The following ZSCAN20 variants were observed in gnomAD, a reference collection of about 807,000 sequenced individuals.
ZSCAN20 encodes zinc finger and SCAN domain containing 20.
Under a neutral mutation model 97.1 loss-of-function variants are expected in ZSCAN20, and 39 were observed. The observed-to-expected ratio is 0.40, with a 90% CI of 0.31 to 0.52. The LOEUF is 0.52. Among genes scored for constraint, ZSCAN20 ranks in the 20% least tolerant of loss-of-function variants. ZSCAN20 has a pLI of 0.49. For missense variants in ZSCAN20, 1,115 were observed against 1,290.4 expected (o/e 0.86, Z 2.08); for synonymous variants, 456 against 467.3 (o/e 0.98, Z 0.31).
intron 3 of ZSCAN20, 144 bp downstream of exon 3, chr1:33,488,795 G>A: frequency 1.1e-6 from 1 of 904,188 alleles, no homozygotes; most frequent in Non-Finnish European, 1.7e-6. Context: ...TTACTGAGAA[G>A]TAAGCAAGCC....
At chr1:33,480,551 C>G (rs2148451261) in intron 2 of ZSCAN20, among the ~76,000 whole-genome samples, 1 of 152,338 alleles carries the variant, frequency 6.6e-6, no homozygotes, top group South Asian at 2.1e-4. Flanking sequence ...TTTGTGAGCA[C>G]TCACTGTGTG....
chr1:33,474,127 C>T (rs1651834619), intron 1 of ZSCAN20, among the ~76,000 whole-genome samples: 1 of 152,214 alleles, frequency 6.6e-6, no homozygotes, highest in Non-Finnish European at 1.5e-5. Context: ...TCCTGTGTCC[C>T]TGGCAGTCAT....
intron 2 of ZSCAN20, among the ~76,000 whole-genome samples, chr1:33,481,392 C>T: frequency 6.6e-6 from 1 of 152,142 alleles, no homozygotes; most frequent in East Asian, 1.9e-4. Flanking sequence ...AATTATGCCC[C>T]TGTGAGCTGA....
rs1388532847 is a variant in ZSCAN20 at position 33,497,361 on chromosome 1, A to AGTG, written c.*1886_*1888dup. On this transcript the variant is annotated 3_prime_UTR_variant, in exon 8 of 8. Coordinates refer to ENST00000684572, the MANE Select transcript of ZSCAN20 (RefSeq NM_001377376.1). ...CAGATGTCAGTAACTGCAGTAATAC[A>AGTG]GTGATATTGTCTAGTAATGTGAGCT... Among the ~76,000 whole-genome samples the AGTG allele has an allele frequency of 6.6e-6, 1 of 152,152 alleles. No homozygotes were observed. Among genetic ancestry groups the AGTG allele is most frequent in the Non-Finnish European group, 1.5e-5 (1 of 68,030 alleles).
At chr1:33,485,444 C>T (rs1652324415) in intron 2 of ZSCAN20, among the ~76,000 whole-genome samples, 1 of 152,024 alleles carries the variant, frequency 6.6e-6, no homozygotes. Flanking sequence ...GGTTCTTTCT[C>T]TGTTACTCAG....
Position 33,493,515 on chromosome 1 carries a change from G to A in ZSCAN20, c.1773G>A (p.Gly591=), listed in dbSNP as rs555868416. The stretch of plus-strand genomic sequence containing the variant: ...AGGCTGCAGGTCTCCCTAGGTGTGG[G>A]CAGAGTAGTGCTGAGACTGATGCCC... ...VREAAGLPRC[G]QSSAETDAQE... is the part of the protein sequence containing the mutation. The change falls in exon 7 of 8, where the codon GGG becomes GGA. Residue 591 remains glycine (G), a synonymous_variant. Transcript: ENST00000684572. The surrounding 1 kb of genome is among the most constrained non-coding windows in gnomAD (Gnocchi z 4.3). 17 of 1,614,120 alleles carry A rather than the reference G, an allele frequency of 1.1e-5. No individual in the cohort carries two copies. The South Asian group carries it at 1.9e-4, about 18-fold the overall frequency.
rs757872738 is a variant in ZSCAN20 at position 33,495,502 on chromosome 1, A to G, written c.*26A>G. ...GGGACAGTTTCCTCAACAACAAAGG[A>G]GGACTCAATGTATATATCTTATATC... On this transcript the variant is annotated 3_prime_UTR_variant, in exon 8 of 8. Coordinates refer to ENST00000684572, the MANE Select transcript of ZSCAN20 (RefSeq NM_001377376.1). 6.7e-7 allele frequency: 1 copy of G among 1,495,640 alleles called. No individual in the cohort carries two copies. Among genetic ancestry groups the G allele is most frequent in the Non-Finnish European group, 8.9e-7 (1 of 1,121,340 alleles). 92.6% of individuals were successfully genotyped at this position (1,495,640 alleles called of 1,614,324 possible).
Position 33,498,019 on chromosome 1 carries a change from CA to C in ZSCAN20, c.*2544del, listed in dbSNP as rs1652936333. On this transcript the variant is annotated 3_prime_UTR_variant, in exon 8 of 8. Transcript: ENST00000684572. ...TAAACTAATGAGAAAGGAAGAATTT[CA>C]GTTTCAAATATTGGGCCTAGGACAG... Among the ~76,000 whole-genome samples the C allele has an allele frequency of 6.6e-6, 1 of 152,138 alleles. No homozygotes were observed. The highest frequency in any genetic ancestry group is 2.4e-5 in the African/African-American group (1 of 41,416).
chr1:33,488,729 G>A, intron 3 of ZSCAN20, 78 bp downstream of exon 3: 1 of 1,473,246 alleles, frequency 6.8e-7, no homozygotes, highest in Non-Finnish European at 9.2e-7. Context: ...GGTGCATGGG[G>A]AAGAAGGATG....
At chr1:33,481,558 G>A (rs1440041725) in intron 2 of ZSCAN20, among the ~76,000 whole-genome samples, 1 of 152,162 alleles carries the variant, frequency 6.6e-6, no homozygotes, top group Non-Finnish European at 1.5e-5. Flanking sequence ...ACAAGTAGCA[G>A]AGGAGCTTGT....
intron 5 of ZSCAN20, among the ~76,000 whole-genome samples, chr1:33,490,284 G>A (rs2148470062): frequency 6.6e-6 from 1 of 152,250 alleles, no homozygotes; most frequent in Non-Finnish European, 1.5e-5. Flanking sequence ...TTTGGGAAAC[G>A]GTGAATTAAA....
In ZSCAN20 at chr1:33,493,130, G is replaced by C. The variant is rs539366671; in HGVS notation, c.1445-57G>C. 1 of 1,552,840 alleles carries C rather than the reference G, an allele frequency of 6.4e-7. No individual in the cohort carries two copies. The highest frequency in any genetic ancestry group is 1.4e-5 in the African/African-American group (1 of 73,396). On this transcript the variant is annotated intron_variant, in intron 6 of 7. Coordinates refer to ENST00000684572, the MANE Select transcript of ZSCAN20 (RefSeq NM_001377376.1). The surrounding 1 kb of genome is among the most constrained non-coding windows in gnomAD (Gnocchi z 4.3). Reference sequence around the variant, plus strand: ...TGAAGGGCAGGTGACTTTATTCTCTGATGACCTAGGCACATCTCATTAAGT... The same window carrying C: ...TGAAGGGCAGGTGACTTTATTCTCTCATGACCTAGGCACATCTCATTAAGT...
In ZSCAN20 at chr1:33,493,217, A is replaced by G; in HGVS notation, c.1475A>G (p.Lys492Arg). 1 of 1,614,124 alleles carries G rather than the reference A, an allele frequency of 6.2e-7. No individual in the cohort carries two copies. The highest frequency in any genetic ancestry group is 1.1e-5 in the South Asian group (1 of 91,074). ...AGVHWGYEETKAFLAILSESP... is the reference protein window; with the variant it reads ...AGVHWGYEETRAFLAILSESP... ...GTGCACTGGGGCTATGAGGAGACCA[A>G]GGCCTTCCTGGCAATTCTCAGTGAG... The change falls in exon 7 of 8, where the codon AAG becomes AGG. Residue 492 changes from lysine to arginine, a missense_variant. Coordinates refer to ENST00000684572, the MANE Select transcript of ZSCAN20 (RefSeq NM_001377376.1). The surrounding 1 kb of genome is among the most constrained non-coding windows in gnomAD (Gnocchi z 4.3).
rs760749214 is a variant in ZSCAN20 at position 33,489,620 on chromosome 1, C to T, written c.766+18C>T. On this transcript the variant is annotated intron_variant, in intron 5 of 7. Transcript: ENST00000684572. ...GTGCCTGGGTAAGGAGACGTACCCT[C>T]TGAAGGTGATGTTGTCATGCTTCTG... 48 of 1,610,852 alleles carry T rather than the reference C, an allele frequency of 3.0e-5. No homozygotes were observed. The South Asian group carries it at 3.5e-4, about 12-fold the overall frequency.
At position 33,500,349 on chromosome 1, in the gene ZSCAN20, G is replaced by C. The variant is rs1252434293; in HGVS notation, c.*4873G>C. Among the ~76,000 whole-genome samples, 1 of 152,006 alleles carries C rather than the reference G, an allele frequency of 6.6e-6. No individual in the cohort carries two copies. The highest frequency in any genetic ancestry group is 2.4e-5 in the African/African-American group (1 of 41,388). On this transcript the variant is annotated 3_prime_UTR_variant, in exon 8 of 8. Transcript: ENST00000684572. Reference sequence around the variant, plus strand: ...GAACCCTACAGGAGCCTGCACCCCAGTAACCCCATTTTATGCTGCTTGGAG... The same window carrying C: ...GAACCCTACAGGAGCCTGCACCCCACTAACCCCATTTTATGCTGCTTGGAG...
chr1:33,495,272 T>C lies in ZSCAN20; in HGVS notation c.2928T>C (p.Thr976=), dbSNP rs1052601764. The change falls in exon 8 of 8, where the codon ACT becomes ACC. Residue 976 remains threonine, a synonymous_variant. Transcript: ENST00000684572. The part of the protein sequence containing the change: ...KFFRDRSNLI[T]HQRIHTGEKP... ...TCCGTGACCGTTCTAACCTCATTAC[T>C]CACCAGAGGATTCATACGGGAGAGA... The C allele has an allele frequency of 1.2e-6, 2 of 1,611,808 alleles. No homozygotes were observed. The highest frequency in any genetic ancestry group is 1.7e-6 in the Non-Finnish European group (2 of 1,178,502).
In ZSCAN20 at chr1:33,499,864, C is replaced by T. The variant is rs1009600124; in HGVS notation, c.*4388C>T. Among the ~76,000 whole-genome samples the T allele has an allele frequency of 1.3e-5, 2 of 152,062 alleles. No individual in the cohort carries two copies. The highest frequency in any genetic ancestry group is 4.8e-5 in the African/African-American group (2 of 41,382). Reference sequence around the variant, plus strand: ...CTCCCACCTCAGCCTCCCAAAGCTCCCCTTAACCTCAGTTTTGATCCCATC... The same window carrying T: ...CTCCCACCTCAGCCTCCCAAAGCTCTCCTTAACCTCAGTTTTGATCCCATC... On this transcript the variant is annotated 3_prime_UTR_variant, in exon 8 of 8. Transcript: ENST00000684572.
Position 33,494,600 on chromosome 1 carries a change from C to T in ZSCAN20, c.2256C>T (p.Asn752=), listed in dbSNP as rs538016583. 53 of 1,613,954 alleles carry T rather than the reference C, an allele frequency of 3.3e-5. No individual in the cohort carries two copies. Among genetic ancestry groups the T allele is most frequent in the Non-Finnish European group, 4.3e-5 (51 of 1,179,860 alleles). The part of the protein sequence containing the change: ...ECGKNFSDRS[N]LNTHQRIHTG... ...GAAAAAACTTTAGTGACCGCTCTAACCTCAATACCCATCAGAGAATCCACA... is the reference window on the plus strand; with the variant it reads ...GAAAAAACTTTAGTGACCGCTCTAATCTCAATACCCATCAGAGAATCCACA... The change falls in exon 8 of 8, where the codon AAC becomes AAT. Residue 752 remains asparagine (N), a synonymous_variant. Transcript: ENST00000684572.
rs756868277 is a variant in ZSCAN20 at position 33,494,769 on chromosome 1, C to A, written c.2425C>A (p.Leu809Ile). The A allele has an allele frequency of 2.5e-6, 4 of 1,614,130 alleles. No homozygotes were observed. The Admixed American group carries it at 6.7e-5, about 27-fold the overall frequency. ...GAAAAGCTTCAACCAGAGCTCAAAC[C>A]TTCTGAAACATCAGAGAATCCACTT... is the stretch of plus-strand genomic sequence containing the variant. ...CWKSFNQSSN[L>I]LKHQRIHLGG... Residue 809 changes from leucine to isoleucine, a missense_variant, in exon 8 of 8, where the codon CTT becomes ATT. By Grantham distance (5) the Leu-to-Ile change is conservative. Around this residue, in one of 3 missense-constraint regions of ZSCAN20, gnomAD observed 554 missense variants for 584.9 expected, o/e 0.95. Coordinates refer to ENST00000684572, the MANE Select transcript of ZSCAN20 (RefSeq NM_001377376.1).
Sources: gnomAD v4.1 joint callset for allele counts (sites outside exome capture counted in the v4.1 genomes callset) on GRCh38, gnomAD v4.1.1 for gene constraint, gnomAD v4.1.1 regional missense constraint, Gnocchi (gnomAD v3.1) non-coding constraint, MANE v1.5 for transcripts, NCBI Gene and HGNC (gene_info 2026-07-23, HGNC 2026-07-21) for gene names.